Variants in GRIN3A observed in about 807,000 individuals in gnomAD.
The protein encoded by GRIN3A is glutamate receptor ionotropic, NMDA 3A.
GRIN3A carries 47 observed loss-of-function variants against 92.4 expected under a neutral mutation model. That is an observed-to-expected ratio of 0.51 (90% CI 0.40 to 0.65). The LOEUF (loss-of-function observed/expected upper bound fraction) is 0.65, where lower values mean the gene tolerates loss of function less well. Ranked by LOEUF, GRIN3A falls within the 30% of genes least tolerant of loss-of-function variation. GRIN3A has a pLI of 0.00. For synonymous variants in GRIN3A, 527 were observed against 540.6 expected, an observed-to-expected ratio of 0.97 and a Z score of 0.35; for missense variants, 1,324 against 1,393.1, an observed-to-expected ratio of 0.95 and a Z score of 0.79.
chr9:101,625,867 T>G (rs1828628505), intron 4 of GRIN3A, among the ~76,000 whole-genome samples: 1 of 152,234 alleles, frequency 6.6e-6, no homozygotes, highest in Non-Finnish European at 1.5e-5. Flanking sequence ...CAAATATTTG[T>G]GGTAGCAATA....
At chr9:101,646,151 C>A (rs542878926) in intron 3 of GRIN3A, among the ~76,000 whole-genome samples, 1 of 151,952 alleles carries the variant, frequency 6.6e-6, no homozygotes, top group African/African-American at 2.4e-5. Flanking sequence ...TCTGCCAAGA[C>A]CAATGTCCTG....
intron 1 of GRIN3A, among the ~76,000 whole-genome samples, chr9:101,714,389 C>T (rs902972753): frequency 5.3e-5 from 8 of 152,152 alleles, no homozygotes; most frequent in African/African-American, 1.9e-4. Context: ...ATATTGCAAA[C>T]ATTGAATTAG....
intron 1 of GRIN3A, among the ~76,000 whole-genome samples, chr9:101,698,423 C>G (rs10123334): frequency 3.9e-5 from 6 of 152,150 alleles, no homozygotes; most frequent in African/African-American, 1.2e-4. Context: ...ATCCTTATTA[C>G]AGTCGTGCGT....
intron 1 of GRIN3A, among the ~76,000 whole-genome samples, chr9:101,699,813 A>G (rs1213488342): frequency 6.6e-6 from 1 of 152,128 alleles, no homozygotes; most frequent in Admixed American, 6.6e-5. Flanking sequence ...TTAGTTTCTG[A>G]TGACCTTCAA....
intron 5 of GRIN3A, among the ~76,000 whole-genome samples, chr9:101,616,889 A>AAT (rs1491207662): frequency 2.4e-4 from 11 of 45,582 alleles, no homozygotes; most frequent in Admixed American, 4.7e-4. Context: ...CTTAAAGTAT[A>AAT]AAAAAAAAAA....
chr9:101,714,416 A>G (rs997144367), intron 1 of GRIN3A, among the ~76,000 whole-genome samples: 2 of 152,220 alleles, frequency 1.3e-5, no homozygotes. Flanking sequence ...GGAAGACAAA[A>G]TTAAGAAAAT....
intron 4 of GRIN3A, among the ~76,000 whole-genome samples, chr9:101,626,659 G>A (rs977428643): frequency 6.6e-6 from 1 of 152,168 alleles, no homozygotes. Context: ...TTGGGATGAG[G>A]CTGGAGTTGC....
chr9:101,582,880 T>A (rs1827906054), intron 6 of GRIN3A, among the ~76,000 whole-genome samples: 1 of 152,184 alleles, frequency 6.6e-6, no homozygotes, highest in Non-Finnish European at 1.5e-5. Context: ...CAATGATTAG[T>A]CTTATTTTTC....
chr9:101,637,851 A>T (rs1828805236), intron 3 of GRIN3A, among the ~76,000 whole-genome samples: 1 of 152,202 alleles, frequency 6.6e-6, no homozygotes, highest in Non-Finnish European at 1.5e-5. Flanking sequence ...ATTTAGGCCC[A>T]TAATAAGTGT....
At chr9:101,622,060 G>A (rs1173563997) in intron 5 of GRIN3A, among the ~76,000 whole-genome samples, 4 of 152,186 alleles carry the variant, frequency 2.6e-5, no homozygotes, top group Non-Finnish European at 4.4e-5. Context: ...CTCTTTCTGA[G>A]TTCCATCCCT....
chr9:101,591,628 G>A (rs1352165376), intron 6 of GRIN3A: 17 of 152,282 alleles, frequency 1.1e-4, no homozygotes, highest in Admixed American at 1.0e-3. Context: ...CTCAATAAAT[G>A]TTTATTATCA....
intron 4 of GRIN3A, among the ~76,000 whole-genome samples, chr9:101,625,746 A>C (rs1247011506): frequency 6.6e-6 from 1 of 152,198 alleles, no homozygotes; most frequent in Non-Finnish European, 1.5e-5. Context: ...TCCTGGCAAT[A>C]AAATAAAAAT....
At chr9:101,604,418 C>T (rs1047606006) in intron 6 of GRIN3A, among the ~76,000 whole-genome samples, 2 of 152,306 alleles carry the variant, frequency 1.3e-5, no homozygotes, top group East Asian at 1.9e-4. Flanking sequence ...TGTGCTTCTT[C>T]GGGTTTTCAG....
At chr9:101,693,025 C>A (rs1829639599) in intron 1 of GRIN3A, among the ~76,000 whole-genome samples, 1 of 151,968 alleles carries the variant, frequency 6.6e-6, no homozygotes, top group African/African-American at 2.4e-5. Flanking sequence ...CATGAGGTGA[C>A]TGCAATGATC....
intron 3 of GRIN3A, among the ~76,000 whole-genome samples, chr9:101,663,067 T>C (rs570050294): frequency 7.6e-6 from 1 of 131,168 alleles, no homozygotes; most frequent in Non-Finnish European, 1.6e-5. Context: ...CTTTCCAATG[T>C]CATAGTTGAT....
At chr9:101,681,607 A>G (rs1829466532) in intron 2 of GRIN3A, among the ~76,000 whole-genome samples, 1 of 152,366 alleles carries the variant, frequency 6.6e-6, no homozygotes, top group African/African-American at 2.4e-5. Context: ...TTTCATTTAC[A>G]GGATCCAAGT....
intron 2 of GRIN3A, among the ~76,000 whole-genome samples, chr9:101,685,107 G>T (rs1829515900): frequency 6.6e-6 from 1 of 152,080 alleles, no homozygotes; most frequent in African/African-American, 2.4e-5. Context: ...ATTACTAATA[G>T]ATTTGTAGTA....
chr9:101,738,267 C>A lies in GRIN3A; in HGVS notation c.-288G>T, dbSNP rs942257804. On this transcript the variant is annotated 5_prime_UTR_variant, in exon 1 of 9. Coordinates refer to ENST00000361820, the MANE Select transcript of GRIN3A (RefSeq NM_133445.3). ...CGGCGCCTGTCACCCGCAGCTGGAGCGCCCGTTCCCTGCCCGCCCCATCTG... is the reference window on the plus strand; with the variant it reads ...CGGCGCCTGTCACCCGCAGCTGGAGAGCCCGTTCCCTGCCCGCCCCATCTG... 6 of 474,002 alleles carry A rather than the reference C, an allele frequency of 1.3e-5. No individual in the cohort carries two copies. The highest frequency in any genetic ancestry group is 1.3e-4 in the African/African-American group (6 of 47,992). The allele number at this position is 474,002 out of a possible 1,614,324, so 29.4% of individuals were successfully genotyped here.
At chr9:101,693,055 C>T (rs780459452) in intron 1 of GRIN3A, among the ~76,000 whole-genome samples, 2 of 151,912 alleles carry the variant, frequency 1.3e-5, no homozygotes, top group Non-Finnish European at 2.9e-5. Flanking sequence ...TAATAGAAGA[C>T]AAAATCAAGG....
Sources: gnomAD v4.1 joint callset for allele counts (sites outside exome capture counted in the v4.1 genomes callset) on GRCh38, gnomAD v4.1.1 for gene constraint, MANE v1.5 for transcripts, NCBI Gene and HGNC (gene_info 2026-07-23, HGNC 2026-07-21) for gene names.